Variants in HK2 observed in about 807,000 individuals in gnomAD.
HK2 encodes hexokinase 2, also known as hexokinase-2.
HK2 carries 42 observed loss-of-function variants against 92.9 expected under a neutral mutation model. The observed-to-expected ratio is 0.45, with a 90% CI of 0.35 to 0.58. The LOEUF is 0.58. Ranked by LOEUF, HK2 falls within the 20% of genes least tolerant of loss-of-function variation. HK2 has a pLI of 0.00. For missense variants in HK2, 978 were observed against 1,245.1 expected (o/e 0.79, Z 3.23); for synonymous variants, 422 against 468.0 (o/e 0.90, Z 1.27).
At chr2:74,876,326 G>C (rs1459814031) in intron 7 of HK2, among the ~76,000 whole-genome samples, 1 of 152,174 alleles carries the variant, frequency 6.6e-6, no homozygotes, top group Non-Finnish European at 1.5e-5. Context: ...AGTGGCAGCA[G>C]GCCCATGTGC....
chr2:74,853,509 T>G (rs932165664), intron 1 of HK2, among the ~76,000 whole-genome samples: 5 of 141,696 alleles, frequency 3.5e-5, no homozygotes, highest in Non-Finnish European at 7.7e-5. Context: ...AGGGTGAGAC[T>G]CAGCCTCAAA....
intron 1 of HK2, among the ~76,000 whole-genome samples, chr2:74,848,115 T>C (rs1688485685): frequency 6.6e-6 from 1 of 152,190 alleles, no homozygotes; most frequent in Admixed American, 6.5e-5. Flanking sequence ...TAGGTAAGCA[T>C]TTATCTGCTA....
At chr2:74,865,547 C>G (rs1688925277) in intron 2 of HK2, among the ~76,000 whole-genome samples, 1 of 152,064 alleles carries the variant, frequency 6.6e-6, no homozygotes. Context: ...GGCTGAGTTC[C>G]CACTACCAGG....
intron 2 of HK2, among the ~76,000 whole-genome samples, chr2:74,864,104 C>T (rs1490643295): frequency 2.6e-5 from 4 of 152,222 alleles, no homozygotes; most frequent in Admixed American, 2.6e-4. Flanking sequence ...GGCCCTGGAG[C>T]TCATGCCCTC....
intron 14 of HK2, 45 bp downstream of exon 14, chr2:74,886,438 G>A: frequency 4.3e-6 from 7 of 1,613,902 alleles, no homozygotes; most frequent in South Asian, 1.1e-5. Flanking sequence ...GCACAGCCTT[G>A]GGTGTGGAGG....
chr2:74,889,951 A>G (rs1689635734), intron 17 of HK2, among the ~76,000 whole-genome samples: 2 of 152,292 alleles, frequency 1.3e-5, no homozygotes, highest in South Asian at 2.1e-4. Flanking sequence ...ACCTTTGAGT[A>G]TGTTGTTTTT....
intron 2 of HK2, 105 bp downstream of exon 2, chr2:74,854,560 G>A: frequency 8.1e-7 from 1 of 1,236,704 alleles, no homozygotes; most frequent in African/African-American, 1.5e-5. Flanking sequence ...AACCAACCCT[G>A]GCTAAGGGAA....
At chr2:74,859,554 C>T (rs1442252313) in intron 2 of HK2, among the ~76,000 whole-genome samples, 1 of 152,040 alleles carries the variant, frequency 6.6e-6, no homozygotes, top group Non-Finnish European at 1.5e-5. Flanking sequence ...GGCGTGGTGG[C>T]AGGCGGCTGA....
Position 74,854,305 on chromosome 2 carries a change from C to G in HK2, c.76C>G (p.Leu26Val). ...HDQVQKVDQY[L>V]YHMRLSDETL... is the part of the protein sequence containing the mutation. ...CCTCCTTTTTCAGGTTGACCAGTAT[C>G]TCTACCACATGCGCCTCTCTGATGA... is the stretch of plus-strand genomic sequence containing the variant. The change falls in exon 2 of 18, where the codon CTC becomes GTC. Residue 26 changes from leucine (L) to valine (V), a missense_variant. Transcript: ENST00000290573. 6.2e-7 allele frequency: 1 copy of G among 1,612,628 alleles called. No homozygotes were observed. Among genetic ancestry groups the G allele is most frequent in the Non-Finnish European group, 8.5e-7 (1 of 1,180,010 alleles).
At chr2:74,871,070 T>G (rs942540240) in intron 3 of HK2, among the ~76,000 whole-genome samples, 2 of 152,192 alleles carry the variant, frequency 1.3e-5, no homozygotes, top group African/African-American at 4.8e-5. Context: ...TTTCTGTGGT[T>G]TGGCATAGTG....
chr2:74,873,157 AT>A, intron 4 of HK2, 118 bp from the exon 5 acceptor site: 1 of 816,366 alleles, frequency 1.2e-6, no homozygotes, highest in Non-Finnish European at 2.2e-6. Context: ...TAACACACAA[AT>A]TCAATCATGA....
chr2:74,849,215 C>G (rs1688512413), intron 1 of HK2, among the ~76,000 whole-genome samples: 1 of 152,170 alleles, frequency 6.6e-6, no homozygotes, highest in African/African-American at 2.4e-5. Context: ...TATCTTATTT[C>G]CTAGAGAGTA....
At chr2:74,881,942 T>C in intron 11 of HK2, 83 bp downstream of exon 11, 1 of 1,536,532 alleles carries the variant, frequency 6.5e-7, no homozygotes, top group South Asian at 1.1e-5. Context: ...TCTGCTCATC[T>C]GTGACCCTGG....
chr2:74,869,761 C>T (rs1357956645), intron 3 of HK2, among the ~76,000 whole-genome samples: 7 of 152,174 alleles, frequency 4.6e-5, no homozygotes, highest in Non-Finnish European at 1.0e-4. Flanking sequence ...CATAGATCCT[C>T]CTCAAAGAGA....
intron 3 of HK2, among the ~76,000 whole-genome samples, chr2:74,870,250 T>G (rs1689064585): frequency 2.0e-5 from 3 of 152,152 alleles, no homozygotes; most frequent in African/African-American, 7.2e-5. Context: ...CCTCAAGTGA[T>G]CTGCCCGTCT....
chr2:74,882,202 C>A lies in HK2; in HGVS notation c.1802C>A (p.Thr601Asn). The A allele has an allele frequency of 6.2e-7, 1 of 1,614,126 alleles. No individual in the cohort carries two copies. Among genetic ancestry groups the A allele is most frequent in the Non-Finnish European group, 8.5e-7 (1 of 1,179,974 alleles). The change falls in exon 12 of 18, where the codon ACC becomes AAC. Residue 601 changes from threonine (T) to asparagine (N), a missense_variant. Physicochemically the swap from Thr to Asn is moderately conservative, Grantham distance 65 (BLOSUM62 0). Transcript: ENST00000290573. ...MKGVSLPLGF[T>N]FSFPCQQNSL... ...GGCGTGTCCCTGCCTCTGGGTTTTA[C>A]CTTCTCCTTCCCCTGCCAGCAGAAC...
intron 10 of HK2, among the ~76,000 whole-genome samples, chr2:74,880,907 C>G (rs1689374712): frequency 6.6e-6 from 1 of 152,204 alleles, no homozygotes; most frequent in Non-Finnish European, 1.5e-5. Flanking sequence ...GTTAAGACAC[C>G]TGCCTAAATT....
chr2:74,844,134 A>T (rs1056311778), intron 1 of HK2, among the ~76,000 whole-genome samples: 17 of 152,224 alleles, frequency 1.1e-4, no homozygotes, highest in Non-Finnish European at 2.1e-4. Context: ...TTTCAGTTTC[A>T]TGGGGTTATG....
At chr2:74,869,161 A>G (rs967844735) in intron 3 of HK2, among the ~76,000 whole-genome samples, 1 of 152,176 alleles carries the variant, frequency 6.6e-6, no homozygotes, top group Non-Finnish European at 1.5e-5. Flanking sequence ...GAAGAGCATT[A>G]AAACTGTTGA....
Sources: allele counts gnomAD v4.1 joint callset (sites outside exome capture counted in the v4.1 genomes callset), GRCh38; gene constraint gnomAD v4.1.1; transcripts MANE v1.5; gene names NCBI Gene and HGNC (gene_info 2026-07-23, HGNC 2026-07-21).